The following RFX2 variants were observed in gnomAD, a reference collection of about 807,000 sequenced individuals.
The protein encoded by RFX2 is DNA-binding protein RFX2.
A neutral mutation model predicts 87.8 loss-of-function variants in RFX2; 20 were observed. That is an observed-to-expected ratio of 0.23 (90% CI 0.16 to 0.33). The LOEUF is 0.33. RFX2 is among the 10% of genes least tolerant of loss of function. RFX2 has a pLI of 1.00. For missense variants in RFX2, 767 were observed against 1,012.3 expected (o/e 0.76, Z 3.29); for synonymous variants, 397 against 431.3 (o/e 0.92, Z 0.98).
Position 6,027,271 on chromosome 19 carries a change from A to T in RFX2, c.523-1034T>A, listed in dbSNP as rs1851207254. On this transcript the variant is annotated intron_variant, in intron 5 of 17. Transcript: ENST00000303657. This position sits in a 1 kb window ranked among gnomAD's most constrained non-coding sequence, Gnocchi z 5.0. ...ACTGCTTCTCCCACGGCCTCCGACC[A>T]CGGTGGTTCTGCCTTCTCTCATTAG... 1 of 152,230 alleles carries T rather than the reference A, an allele frequency of 6.6e-6. No homozygotes were observed. Among genetic ancestry groups the T allele is most frequent in the South Asian group, 2.1e-4 (1 of 4,830 alleles). The allele number at this position is 152,230 out of a possible 1,614,324, so 9.4% of individuals were successfully genotyped here.
rs73549943 is a variant in RFX2 at position 6,064,567 on chromosome 19, C to G, written c.-8-17063G>C. ...AGTTCCTCAGCAGTAGCATCTCCTG[C>G]TTTCTCAGCCTGGTGACCTGACCCG... is the stretch of plus-strand genomic sequence containing the variant. On this transcript the variant is annotated intron_variant, in intron 1 of 17. Coordinates refer to ENST00000303657, the MANE Select transcript of RFX2 (RefSeq NM_000635.4). This position sits in a 1 kb window ranked among gnomAD's most constrained non-coding sequence, Gnocchi z 4.8. Among the ~76,000 whole-genome samples, 2,911 of 152,320 alleles carry G rather than the reference C, an allele frequency of 0.019. 110 individuals are homozygous for G. The highest frequency in any genetic ancestry group is 0.067 in the African/African-American group (2,801 of 41,566).
At position 5,994,748 on chromosome 19, in the gene RFX2, C is replaced by A. The variant is rs2086379906; in HGVS notation, c.*87G>T. ...TAAACATCACATCATCTAAGAGGCA[C>A]TAATTTGGTGGAGCCGGTGAAATCC... On this transcript the variant is annotated 3_prime_UTR_variant, in exon 18 of 18. Coordinates refer to ENST00000303657, the MANE Select transcript of RFX2 (RefSeq NM_000635.4). The A allele has an allele frequency of 9.5e-6, 8 of 845,466 alleles. No individual in the cohort carries two copies. Among genetic ancestry groups the A allele is most frequent in the Non-Finnish European group, 1.5e-5 (8 of 521,104 alleles). The allele number at this position is 845,466 out of a possible 1,614,324, so 52.4% of individuals were successfully genotyped here.
At chr19:6,102,932 C>G (rs552189628) in intron 1 of RFX2, among the ~76,000 whole-genome samples, 46 of 152,164 alleles carry the variant, frequency 3.0e-4, no homozygotes, top group Non-Finnish European at 6.0e-4. Context: ...TGAGGCTGCA[C>G]TCCAGCCTGG....
At position 6,063,872 on chromosome 19, in the gene RFX2, T is replaced by G. The variant is rs1181580442; in HGVS notation, c.-8-16368A>C. Among the ~76,000 whole-genome samples the G allele has an allele frequency of 1.3e-5, 2 of 152,092 alleles. No homozygotes were observed. The highest frequency in any genetic ancestry group is 2.9e-5 in the Non-Finnish European group (2 of 68,004). On this transcript the variant is annotated intron_variant, in intron 1 of 17. Coordinates refer to ENST00000303657, the MANE Select transcript of RFX2 (RefSeq NM_000635.4). This position sits in a 1 kb window ranked among gnomAD's most constrained non-coding sequence, Gnocchi z 4.0. ...AAATGTCTCCAGACATCGCCCAGTG[T>G]CCCCTGGGGGCAGGACCACCCCCAT...
At chr19:6,071,086 C>T (rs765064266) in intron 1 of RFX2, among the ~76,000 whole-genome samples, 1 of 152,208 alleles carries the variant, frequency 6.6e-6, no homozygotes, top group Non-Finnish European at 1.5e-5. Flanking sequence ...TTTCCACACT[C>T]GAGTATTATT....
rs940081952 is a variant in RFX2 at position 6,110,495 on chromosome 19, C to T, written c.-111G>A. 2 of 154,140 alleles carry T rather than the reference C, an allele frequency of 1.3e-5. No homozygotes were observed. Among genetic ancestry groups the T allele is most frequent in the African/African-American group, 4.8e-5 (2 of 41,418 alleles). The allele number at this position is 154,140 out of a possible 1,614,324, so 9.5% of individuals were successfully genotyped here. A position where few individuals can be genotyped will look rare whatever the true frequency, so the allele number is the denominator to read the frequency against. ...AAGTAACAGTCTCCACGGCTACAGT[C>T]TCTATGGCGGCGGCGGTGGCGGCGG... On this transcript the variant is annotated 5_prime_UTR_variant, in exon 1 of 18. Transcript: ENST00000303657. The surrounding 1 kb of genome is among the most constrained non-coding windows in gnomAD (Gnocchi z 4.3).
Position 5,995,619 on chromosome 19 carries a change from G to A in RFX2, c.2038C>T (p.Leu680=). The A allele has an allele frequency of 1.9e-6, 3 of 1,552,642 alleles. No homozygotes were observed. The highest frequency in any genetic ancestry group is 2.6e-6 in the Non-Finnish European group (3 of 1,147,564). Residue 680 remains leucine, a synonymous_variant, in exon 17 of 18, where the codon CTG becomes TTG. Transcript: ENST00000303657. ...CACCTACCTTTGTCGAGCAGCGTCA[G>A]CGACAGAGAGGCGAGATCGTTGAAC... ...GEFNDLASLS[L]TLLDKDDMGD...
intron 5 of RFX2, among the ~76,000 whole-genome samples, chr19:6,031,701 G>T (rs1472280641): frequency 2.0e-5 from 3 of 152,008 alleles, no homozygotes; most frequent in Non-Finnish European, 4.4e-5. Context: ...AAGCGCTGGG[G>T]TTGCAGGTGT....
intron 1 of RFX2, among the ~76,000 whole-genome samples, chr19:6,066,508 G>T (rs1555778975): frequency 6.6e-6 from 1 of 152,166 alleles, no homozygotes; most frequent in Non-Finnish European, 1.5e-5. Flanking sequence ...CCAGGAATTA[G>T]ATCAAAAAAG....
At chr19:6,006,571 T>G (rs2086585160) in intron 12 of RFX2, among the ~76,000 whole-genome samples, 1 of 150,186 alleles carries the variant, frequency 6.7e-6, no homozygotes. Flanking sequence ...TGGCTCGGCC[T>G]CCCTAGTAGC....
chr19:6,108,726 C>T (rs1425642449), intron 1 of RFX2, among the ~76,000 whole-genome samples: 1 of 152,158 alleles, frequency 6.6e-6, no homozygotes, highest in African/African-American at 2.4e-5. Flanking sequence ...GGTAAGGCAG[C>T]CAGCCCTGGG....
At position 6,056,922 on chromosome 19, in the gene RFX2, C is replaced by A. The variant is rs892192328; in HGVS notation, c.-8-9418G>T. 6.6e-6 allele frequency among the ~76,000 whole-genome samples: 1 copy of A among 152,202 alleles called. No individual in the cohort carries two copies. The highest frequency in any genetic ancestry group is 1.5e-5 in the Non-Finnish European group (1 of 68,042). ...GTCACCCAGCCTGGCCCTGCCTGGCCAACGGGCTTGGCTGGCCCAAAGCTC... is the reference window on the plus strand; with the variant it reads ...GTCACCCAGCCTGGCCCTGCCTGGCAAACGGGCTTGGCTGGCCCAAAGCTC... On this transcript the variant is annotated intron_variant, in intron 1 of 17. Coordinates refer to ENST00000303657, the MANE Select transcript of RFX2 (RefSeq NM_000635.4). The surrounding 1 kb of genome is among the most constrained non-coding windows in gnomAD (Gnocchi z 4.6).
chr19:6,042,000 T>C, intron 4 of RFX2, 44 bp downstream of exon 4: 2 of 1,546,026 alleles, frequency 1.3e-6, no homozygotes, highest in Non-Finnish European at 1.8e-6. Flanking sequence ...AAGGCTGGAG[T>C]CAGGGAGAGG....
rs2086369814 is a variant in RFX2 at position 5,994,059 on chromosome 19, A to AT, written c.*775dup. Reference sequence around the variant, plus strand: ...GCTGCTGATAAAACTTCTGGTTTTGATTTTTTGAAAGACACTGCTGTGTCC... The same window carrying AT: ...GCTGCTGATAAAACTTCTGGTTTTGATTTTTTTGAAAGACACTGCTGTGTCC... On this transcript the variant is annotated 3_prime_UTR_variant, in exon 18 of 18. Coordinates refer to ENST00000303657, the MANE Select transcript of RFX2 (RefSeq NM_000635.4). 6.6e-6 allele frequency: 1 copy of AT among 152,154 alleles called. No individual in the cohort carries two copies. The highest frequency in any genetic ancestry group is 1.5e-5 in the Non-Finnish European group (1 of 68,054). 9.4% of individuals were successfully genotyped at this position (152,154 alleles called of 1,614,324 possible).
intron 16 of RFX2, 46 bp downstream of exon 16, chr19:5,996,991 TCAGAGCACACCGCCCTCTCCCCA>T: frequency 4.6e-6 from 7 of 1,510,706 alleles, no homozygotes; most frequent in Non-Finnish European, 6.3e-6. Context: ...TCTGGGCTGC[TCAGAGCACACCGCCCTCTCCCCA>T]CAGGCCCGGC....
intron 7 of RFX2, among the ~76,000 whole-genome samples, chr19:6,014,447 CA>C (rs1446418951): frequency 8.5e-4 from 129 of 152,246 alleles, no homozygotes; most frequent in African/African-American, 3.0e-3. Context: ...CCATGTTGGC[CA>C]GGCTGATTTT....
intron 5 of RFX2, among the ~76,000 whole-genome samples, chr19:6,030,526 T>C (rs1443574109): frequency 6.6e-6 from 1 of 152,214 alleles, no homozygotes; most frequent in African/African-American, 2.4e-5. Context: ...ATAATTCCTT[T>C]TACATAAAAT....
chr19:5,996,318 G>A (rs937178065), intron 16 of RFX2, among the ~76,000 whole-genome samples: 3 of 152,392 alleles, frequency 2.0e-5, no homozygotes, highest in Non-Finnish European at 2.9e-5. Flanking sequence ...GGGAGCGACC[G>A]TGCAGCACGG....
Position 6,056,230 on chromosome 19 carries a change from G to T in RFX2, c.-8-8726C>A, listed in dbSNP as rs529329779. On this transcript the variant is annotated intron_variant, in intron 1 of 17. Transcript: ENST00000303657. This position sits in a 1 kb window ranked among gnomAD's most constrained non-coding sequence, Gnocchi z 4.6. ...AAAATACAAGGGTGGAGAGGAGGAC[G>T]GAGAGTGGGTACAGGTATCCAGGTG... Among the ~76,000 whole-genome samples, 2 of 152,290 alleles carry T rather than the reference G, an allele frequency of 1.3e-5. No homozygotes were observed. The highest frequency in any genetic ancestry group is 4.1e-4 in the South Asian group (2 of 4,820).
Sources: allele counts gnomAD v4.1 joint callset (sites outside exome capture counted in the v4.1 genomes callset), GRCh38; gene constraint gnomAD v4.1.1; non-coding constraint Gnocchi (gnomAD v3.1); transcripts MANE v1.5; gene names NCBI Gene and HGNC (gene_info 2026-07-23, HGNC 2026-07-21).